The following B3GALT1 variants were observed in gnomAD, a reference collection of about 807,000 sequenced individuals.
The protein encoded by B3GALT1 is beta-1,3-galactosyltransferase 1.
In B3GALT1, 10 loss-of-function variants were observed where a neutral mutation model predicts 23.2. That is an observed-to-expected ratio of 0.43 (90% CI 0.27 to 0.73). The LOEUF is 0.73. Ranked by LOEUF, B3GALT1 falls within the 30% of genes least tolerant of loss-of-function variation. B3GALT1 has a pLI of 0.21. For synonymous variants in B3GALT1, 156 were observed against 141.5 expected, an observed-to-expected ratio of 1.10 and a Z score of -0.73; for missense variants, 299 against 405.4, an observed-to-expected ratio of 0.74 and a Z score of 2.25.
At chr2:167,568,240 A>G (rs1169910844) in intron 2 of B3GALT1, among the ~76,000 whole-genome samples, 1 of 152,096 alleles carries the variant, frequency 6.6e-6, no homozygotes, top group Non-Finnish European at 1.5e-5. Context: ...ACCAATGAGC[A>G]TAATTGCTCG....
intron 2 of B3GALT1, among the ~76,000 whole-genome samples, chr2:167,634,017 A>G (rs1685505008): frequency 1.3e-5 from 2 of 152,194 alleles, no homozygotes; most frequent in South Asian, 4.1e-4. Flanking sequence ...AGTGCAATCA[A>G]ATTAGAACTC....
intron 2 of B3GALT1, among the ~76,000 whole-genome samples, chr2:167,542,674 A>T (rs1204426010): frequency 6.6e-6 from 1 of 152,136 alleles, no homozygotes; most frequent in Admixed American, 6.5e-5. Flanking sequence ...TCAGATGTTG[A>T]TGGAAAAGCA....
At chr2:167,848,761 A>G (rs1281650720) in intron 4 of B3GALT1, among the ~76,000 whole-genome samples, 1 of 152,212 alleles carries the variant, frequency 6.6e-6, no homozygotes, top group African/African-American at 2.4e-5. Flanking sequence ...AGACAAAAGA[A>G]AGAAATGAAG....
intron 3 of B3GALT1, among the ~76,000 whole-genome samples, chr2:167,775,468 C>A (rs898722836): frequency 6.6e-6 from 1 of 151,228 alleles, no homozygotes; most frequent in Non-Finnish European, 1.5e-5. Flanking sequence ...ATTCGGGAGG[C>A]TGAGGCAGGA....
At chr2:167,839,675 C>CTACTT (rs1005238606) in intron 4 of B3GALT1, among the ~76,000 whole-genome samples, 2 of 152,240 alleles carry the variant, frequency 1.3e-5, no homozygotes, top group Non-Finnish European at 2.9e-5. Flanking sequence ...TTGGAAAAAA[C>CTACTT]TACTTTAAAG....
chr2:167,681,265 T>A (rs1238533834), intron 3 of B3GALT1, among the ~76,000 whole-genome samples: 3 of 152,162 alleles, frequency 2.0e-5, no homozygotes, highest in Non-Finnish European at 4.4e-5. Context: ...TATATTTTTT[T>A]AATCTATCCC....
chr2:167,663,853 G>A (rs1046042161), intron 3 of B3GALT1, among the ~76,000 whole-genome samples: 3 of 151,976 alleles, frequency 2.0e-5, no homozygotes, highest in Non-Finnish European at 2.9e-5. Context: ...TGTAGATTCT[G>A]GATGTTAGCC....
intron 3 of B3GALT1, among the ~76,000 whole-genome samples, chr2:167,658,769 G>A (rs1340761850): frequency 6.6e-6 from 1 of 152,020 alleles, no homozygotes; most frequent in African/African-American, 2.4e-5. Flanking sequence ...TTAGCAAAAG[G>A]AGAACTGATT....
At chr2:167,609,506 G>C in intron 2 of B3GALT1, among the ~76,000 whole-genome samples, 1 of 152,102 alleles carries the variant, frequency 6.6e-6, no homozygotes, top group East Asian at 1.9e-4. Flanking sequence ...CTACCACCCA[G>C]AGCATCATCC....
intron 3 of B3GALT1, among the ~76,000 whole-genome samples, chr2:167,656,208 C>T (rs1321007671): frequency 6.6e-6 from 1 of 152,132 alleles, no homozygotes; most frequent in East Asian, 1.9e-4. Context: ...CATAATTTTC[C>T]TATTTAGAGA....
chr2:167,645,410 A>G (rs989410588), intron 2 of B3GALT1, among the ~76,000 whole-genome samples: 1 of 152,332 alleles, frequency 6.6e-6, no homozygotes, highest in East Asian at 1.9e-4. Flanking sequence ...CTATCAAATT[A>G]TGAACACAGA....
intron 2 of B3GALT1, among the ~76,000 whole-genome samples, chr2:167,643,056 G>C (rs1056046640): frequency 6.6e-6 from 1 of 152,068 alleles, no homozygotes; most frequent in African/African-American, 2.4e-5. Flanking sequence ...AGCTTACTTC[G>C]TAAGAATTTT....
chr2:167,365,065 T>C (rs1424745905), intron 1 of B3GALT1, among the ~76,000 whole-genome samples: 1 of 152,122 alleles, frequency 6.6e-6, no homozygotes, highest in Admixed American at 6.5e-5. Context: ...TTCCGATGGG[T>C]GTTGCGTTTT....
intron 4 of B3GALT1, among the ~76,000 whole-genome samples, chr2:167,834,131 A>AAAAC (rs984400675): frequency 1.3e-5 from 2 of 152,232 alleles, no homozygotes; most frequent in Non-Finnish European, 2.9e-5. Flanking sequence ...GCAGAGTTCA[A>AAAAC]AAACAAACAG....
At chr2:167,562,235 G>T (rs1048495638) in intron 2 of B3GALT1, among the ~76,000 whole-genome samples, 4 of 152,122 alleles carry the variant, frequency 2.6e-5, no homozygotes, top group African/African-American at 4.8e-5. Context: ...ATGCAGAAAA[G>T]GCCTTTGACA....
intron 4 of B3GALT1, among the ~76,000 whole-genome samples, chr2:167,865,270 A>G (rs1173770660): frequency 6.6e-6 from 1 of 152,090 alleles, no homozygotes; most frequent in East Asian, 1.9e-4. Flanking sequence ...TTAGCCAGAC[A>G]TGGTGGTGCA....
At chr2:167,556,296 G>A (rs1172234245) in intron 2 of B3GALT1, among the ~76,000 whole-genome samples, 3 of 151,888 alleles carry the variant, frequency 2.0e-5, no homozygotes, top group Non-Finnish European at 4.4e-5. Context: ...GCGCAAATGA[G>A]GCATTGGAAT....
At chr2:167,564,670 G>A (rs539030560) in intron 2 of B3GALT1, among the ~76,000 whole-genome samples, 138 of 152,240 alleles carry the variant, frequency 9.1e-4, no homozygotes, top group Non-Finnish European at 1.4e-3. Context: ...AGACCAGCCC[G>A]GCCAACACAG....
rs756510877 is a variant in B3GALT1 at position 167,869,780 on chromosome 2, A to G, written c.741A>G (p.Val247=). 1 of 1,614,144 alleles carries G rather than the reference A, an allele frequency of 6.2e-7. No homozygotes were observed. The part of the protein sequence containing the change: ...SGTGYIFSAD[V]AELIYKTSLH... ...CTGGCTACATCTTTTCAGCCGATGT[A>G]GCTGAACTCATTTACAAGACCTCAC... Residue 247 remains valine, a synonymous_variant, in exon 5 of 5, where the codon GTA becomes GTG. Transcript: ENST00000392690. This position sits in a 1 kb window ranked among gnomAD's most constrained non-coding sequence, Gnocchi z 6.4.
Sources: gnomAD v4.1 joint callset for allele counts (sites outside exome capture counted in the v4.1 genomes callset) on GRCh38, gnomAD v4.1.1 for gene constraint, Gnocchi (gnomAD v3.1) non-coding constraint, MANE v1.5 for transcripts, NCBI Gene and HGNC (gene_info 2026-07-23, HGNC 2026-07-21) for gene names.